Variants in TBC1D8B observed in about 807,000 individuals in gnomAD.
TBC1D8B encodes the protein RP11-321G1.1.
TBC1D8B carries 75 observed loss-of-function variants against 82.9 expected under a neutral mutation model. The ratio of observed to expected loss-of-function variants is 0.90; its 90% CI spans 0.75 to 1.10. The LOEUF is 1.10. Ranked by LOEUF, TBC1D8B falls within the 50% of genes least tolerant of loss-of-function variation. The pLI is 0.00. For synonymous variants in TBC1D8B, 276 were observed against 276.8 expected (o/e 1.00, Z 0.03); for missense variants, 794 against 796.9 (o/e 1.00, Z 0.04).
intron 10 of TBC1D8B, among the ~76,000 whole-genome samples, chrX:106,842,091 C>A (rs780277033): frequency 9.0e-6 from 1 of 110,626 alleles, no homozygotes; most frequent in African/African-American, 3.3e-5. Context: ...GTAATTGTTA[C>A]ATGTCAATAC....
intron 2 of TBC1D8B, among the ~76,000 whole-genome samples, chrX:106,819,922 C>T (rs1456516540): frequency 9.0e-6 from 1 of 110,679 alleles, no homozygotes; most frequent in Non-Finnish European, 1.9e-5. Context: ...AAGAATCAAA[C>T]TTAAGGCCTT....
chrX:106,825,886 C>A, intron 5 of TBC1D8B, 144 bp from the exon 6 acceptor site: 1 of 416,141 alleles, frequency 2.4e-6, no homozygotes. Context: ...TTTTCTATTT[C>A]AGAATTTGTT....
chrX:106,835,312 CT>C (rs1478629133), intron 7 of TBC1D8B, among the ~76,000 whole-genome samples: 2 of 112,684 alleles, frequency 1.8e-5, no homozygotes, highest in African/African-American at 6.4e-5. Context: ...ACCTTGGCCT[CT>C]TTTAGCCACA....
At position 106,854,280 on chromosome X, in the gene TBC1D8B, C is replaced by G. The variant is rs754745583; in HGVS notation, c.2336C>G (p.Thr779Arg). Residue 779 changes from threonine to arginine, a missense_variant, in exon 14 of 21, where the codon ACA becomes AGA. Physicochemically the swap from Thr to Arg is moderately conservative, Grantham distance 71 (BLOSUM62 -1). Coordinates refer to ENST00000357242, the MANE Select transcript of TBC1D8B (RefSeq NM_017752.3). ...TATGTGATACAGACCCTAGAGGAAA[C>G]AACAAAACAGAATGTGGTAAGTATG... ...RLYVIQTLEE[T>R]TKQNVLRVVS... 1.3e-5 allele frequency: 15 copies of G among 1,173,503 alleles called. No homozygotes were observed. The African/African-American group carries it at 2.4e-4, about 18-fold the overall frequency.
intron 6 of TBC1D8B, 52 bp from the exon 7 acceptor site, chrX:106,827,118 G>C: frequency 8.6e-7 from 1 of 1,163,096 alleles, no homozygotes; most frequent in Non-Finnish European, 1.2e-6. Context: ...TTACTTGAAG[G>C]TGTCAACAAT....
At position 106,802,837 on chromosome X, in the gene TBC1D8B, G is replaced by C. The variant is rs1361210903; in HGVS notation, c.-17G>C. The C allele has an allele frequency of 8.3e-7, 1 of 1,208,309 alleles. No homozygotes were observed. Among genetic ancestry groups the C allele is most frequent in the Non-Finnish European group, 1.1e-6 (1 of 894,468 alleles). On this transcript the variant is annotated 5_prime_UTR_variant, in exon 1 of 21. Coordinates refer to ENST00000357242, the MANE Select transcript of TBC1D8B (RefSeq NM_017752.3). ...AGGGCATCTAGGTCACTGCTCCCGG[G>C]GGGCACAAAGTTCGCGATGTGGCTG...
At chrX:106,834,603 C>T (rs960351573) in intron 7 of TBC1D8B, among the ~76,000 whole-genome samples, 2 of 111,876 alleles carry the variant, frequency 1.8e-5, no homozygotes, top group South Asian at 7.6e-4. Context: ...TGAGATAAAG[C>T]AAGTCCCATC....
chrX:106,864,599 A>G (rs1164309715), intron 14 of TBC1D8B, among the ~76,000 whole-genome samples: 2 of 101,655 alleles, frequency 2.0e-5, no homozygotes, highest in Non-Finnish European at 4.0e-5. Flanking sequence ...GCTCACTGCA[A>G]CCTCTGCCTC....
chrX:106,830,218 A>G (rs1359906799), intron 7 of TBC1D8B: 1 of 112,351 alleles, frequency 8.9e-6, no homozygotes, highest in Non-Finnish European at 1.9e-5. Context: ...TGGCCATCAG[A>G]GAAATGCAAA....
intron 14 of TBC1D8B, among the ~76,000 whole-genome samples, chrX:106,855,185 A>G (rs1004032181): frequency 8.9e-6 from 1 of 112,243 alleles, no homozygotes; most frequent in Non-Finnish European, 1.9e-5. Context: ...ATCTGGGAAG[A>G]TTAATGTTTC....
At position 106,840,742 on chromosome X, in the gene TBC1D8B, A is replaced by G. The variant is rs766267385; in HGVS notation, c.1577A>G (p.Asn526Ser). Residue 526 changes from asparagine to serine, a missense_variant, in exon 10 of 21, where the codon AAC becomes AGC. By Grantham distance (46) the Asn-to-Ser change is conservative. Coordinates refer to ENST00000357242, the MANE Select transcript of TBC1D8B (RefSeq NM_017752.3). ...GTTGAGCAGTCCTTAGGGACCTGCA[A>G]CTTGGCTACTGAAGAAATTGAACGT... The part of the protein sequence containing the change: ...EVVEQSLGTC[N>S]LATEEIERDL... The G allele has an allele frequency of 2.5e-6, 3 of 1,211,529 alleles. No individual in the cohort carries two copies. Among genetic ancestry groups the G allele is most frequent in the Non-Finnish European group, 3.4e-6 (3 of 895,262 alleles).
chrX:106,833,047 G>A, intron 7 of TBC1D8B, among the ~76,000 whole-genome samples: 1 of 111,315 alleles, frequency 9.0e-6, no homozygotes, highest in Admixed American at 9.6e-5. Flanking sequence ...TGATATTTGA[G>A]AAAAGCATTT....
In TBC1D8B at chrX:106,850,009, T is replaced by C; in HGVS notation, c.1838-16T>C. ...TGAAAAATGTTTATTTTTAAACTTC[T>C]TTTGATATTCTGTAGGTGCCTTGGT... On this transcript the variant is annotated splice_polypyrimidine_tract_variant and intron_variant, in intron 11 of 20. Transcript: ENST00000357242. 8.6e-7 allele frequency: 1 copy of C among 1,161,059 alleles called. No individual in the cohort carries two copies. The highest frequency in any genetic ancestry group is 1.1e-6 in the Non-Finnish European group (1 of 874,113).
intron 1 of TBC1D8B, among the ~76,000 whole-genome samples, chrX:106,805,986 T>A (rs981463606): frequency 8.9e-6 from 1 of 112,699 alleles, no homozygotes; most frequent in African/African-American, 3.2e-5. Context: ...CCTTAGTGGT[T>A]ATACTTTAAG....
intron 5 of TBC1D8B, among the ~76,000 whole-genome samples, chrX:106,824,893 C>T (rs1931795557): frequency 9.0e-6 from 1 of 111,153 alleles, no homozygotes; most frequent in Admixed American, 9.6e-5. Context: ...ATATGTATTA[C>T]TTTTATAGTT....
intron 7 of TBC1D8B, among the ~76,000 whole-genome samples, chrX:106,831,600 T>C (rs958158672): frequency 8.9e-6 from 1 of 111,956 alleles, no homozygotes; most frequent in African/African-American, 3.2e-5. Context: ...ATCTTTCTTT[T>C]TCCTTTAATT....
At chrX:106,817,620 A>G in intron 1 of TBC1D8B, among the ~76,000 whole-genome samples, 1 of 111,834 alleles carries the variant, frequency 8.9e-6, no homozygotes. Context: ...CAGTATGTGT[A>G]TGCACTTAAT....
At chrX:106,872,704 A>G (rs901101393) in intron 20 of TBC1D8B, among the ~76,000 whole-genome samples, 2 of 110,239 alleles carry the variant, frequency 1.8e-5, no homozygotes, top group African/African-American at 6.7e-5. Flanking sequence ...GCAGTGGCTC[A>G]TGCCTGTAAT....
At chrX:106,838,760 C>A (rs1479298509) in intron 7 of TBC1D8B, among the ~76,000 whole-genome samples, 1 of 111,833 alleles carries the variant, frequency 8.9e-6, no homozygotes, top group Non-Finnish European at 1.9e-5. Flanking sequence ...GTTTTTTCAC[C>A]AAGCTGAGCT....
Sources: allele counts gnomAD v4.1 joint callset (sites outside exome capture counted in the v4.1 genomes callset), GRCh38; gene constraint gnomAD v4.1.1; transcripts MANE v1.5; gene names NCBI Gene and HGNC (gene_info 2026-07-23, HGNC 2026-07-21).